The following HIVEP2 variants were observed in gnomAD, a reference collection of about 807,000 sequenced individuals.
HIVEP2 encodes transcription factor HIVEP2.
In HIVEP2, 14 loss-of-function variants were observed where a neutral mutation model predicts 180.7. That is an observed-to-expected ratio of 0.08 (90% confidence interval 0.05 to 0.12). HIVEP2 has a LOEUF of 0.12. HIVEP2 is among the 10% of genes least tolerant of loss of function. HIVEP2 has a pLI of 1.00. For missense variants in HIVEP2, 2,579 were observed against 3,008.5 expected (o/e 0.86, Z 3.34); for synonymous variants, 1,184 against 1,136.4 (o/e 1.04, Z -0.84).
At chr6:142,877,497 T>C (rs1776473052) in intron 1 of HIVEP2, among the ~76,000 whole-genome samples, 1 of 152,208 alleles carries the variant, frequency 6.6e-6, no homozygotes, top group East Asian at 1.9e-4. Flanking sequence ...ACATTTCCAT[T>C]CAACACTATT....
intron 1 of HIVEP2, among the ~76,000 whole-genome samples, chr6:142,872,727 A>G (rs1056322226): frequency 5.9e-5 from 9 of 152,220 alleles, no homozygotes; most frequent in African/African-American, 2.2e-4. Flanking sequence ...AAACCCAGAG[A>G]TATGAACTAA....
chr6:142,816,873 G>GGTGTGT (rs34958624), intron 2 of HIVEP2, among the ~76,000 whole-genome samples: 51 of 148,568 alleles, frequency 3.4e-4, no homozygotes, highest in African/African-American at 1.3e-3. Context: ...AGCACCAGAG[G>GGTGTGT]GTGTGTGTGT....
At chr6:142,823,024 G>T (rs912522005) in intron 2 of HIVEP2, among the ~76,000 whole-genome samples, 1 of 152,154 alleles carries the variant, frequency 6.6e-6, no homozygotes, top group Non-Finnish European at 1.5e-5. Context: ...ATTCCAGCAA[G>T]GGAGACTTAC....
At chr6:142,846,622 A>C (rs1338680779) in intron 1 of HIVEP2, among the ~76,000 whole-genome samples, 2 of 152,202 alleles carry the variant, frequency 1.3e-5, no homozygotes, top group Admixed American at 1.3e-4. Flanking sequence ...TTTAGGTACC[A>C]AGGACTTAAG....
chr6:142,854,375 C>T (rs530485542), intron 1 of HIVEP2, among the ~76,000 whole-genome samples: 13 of 152,260 alleles, frequency 8.5e-5, no homozygotes, highest in Admixed American at 1.3e-4. Context: ...CTAAGAAAAC[C>T]GGTAACATTG....
At chr6:142,863,502 A>G (rs1342649476) in intron 1 of HIVEP2, among the ~76,000 whole-genome samples, 1 of 152,214 alleles carries the variant, frequency 6.6e-6, no homozygotes, top group Non-Finnish European at 1.5e-5. Context: ...CTGAAGAATC[A>G]AGGCATATCT....
At chr6:142,859,661 C>G (rs1044635498) in intron 1 of HIVEP2, among the ~76,000 whole-genome samples, 5 of 151,410 alleles carry the variant, frequency 3.3e-5, no homozygotes, top group African/African-American at 4.8e-5. Context: ...TGGCGAAACA[C>G]TGTCTCTACT....
intron 9 of HIVEP2, among the ~76,000 whole-genome samples, chr6:142,758,643 A>G (rs1411650617): frequency 6.6e-6 from 1 of 151,494 alleles, no homozygotes; most frequent in African/African-American, 2.4e-5. Context: ...AAAATCCTAC[A>G]CAAACTGAAA....
intron 1 of HIVEP2, among the ~76,000 whole-genome samples, chr6:142,852,013 A>C (rs1775692669): frequency 6.6e-6 from 1 of 152,198 alleles, no homozygotes. Flanking sequence ...TTTTACCCAG[A>C]TCATTGTCCT....
chr6:142,785,447 T>C (rs1775976267), intron 2 of HIVEP2, among the ~76,000 whole-genome samples: 1 of 151,730 alleles, frequency 6.6e-6, no homozygotes, highest in Non-Finnish European at 1.5e-5. Context: ...ATACGGAACC[T>C]TAACTTGCAG....
rs770177207 is a variant in HIVEP2 at position 142,771,052 on chromosome 6, A to G, written c.3687T>C (p.His1229=). 1 of 1,614,194 alleles carries G rather than the reference A, an allele frequency of 6.2e-7. No homozygotes were observed. The highest frequency in any genetic ancestry group is 1.7e-5 in the Admixed American group (1 of 60,022). ...PAQQPPWWQA[H]FPHPFAQHPQ... is the part of the protein sequence containing the mutation. ...GGTGCTGAGCAAAGGGATGTGGGAA[A>G]TGTGCCTGCCACCAGGGAGGCTGCT... is the stretch of plus-strand genomic sequence containing the variant. The change falls in exon 5 of 10, where the codon CAT becomes CAC. Residue 1229 remains histidine, a synonymous_variant. Transcript: ENST00000367603. This position sits in a 1 kb window ranked among gnomAD's most constrained non-coding sequence, Gnocchi z 5.4.
intron 1 of HIVEP2, among the ~76,000 whole-genome samples, chr6:142,840,994 C>T (rs949730335): frequency 6.6e-6 from 1 of 151,874 alleles, no homozygotes; most frequent in East Asian, 1.9e-4. Context: ...CATAATTATT[C>T]TCTTATTTAA....
chr6:142,914,296 A>C (rs1777494896), intron 1 of HIVEP2, among the ~76,000 whole-genome samples: 1 of 152,196 alleles, frequency 6.6e-6, no homozygotes, highest in Non-Finnish European at 1.5e-5. Context: ...ATCTTTCAAA[A>C]AAAATTGGAA....
intron 3 of HIVEP2, among the ~76,000 whole-genome samples, chr6:142,776,420 T>C (rs548164696): frequency 2.6e-5 from 4 of 152,190 alleles, no homozygotes; most frequent in Non-Finnish European, 5.9e-5. Flanking sequence ...AAAAACATCA[T>C]AGTAATATTT....
chr6:142,866,653 T>C (rs1776145737), intron 1 of HIVEP2, among the ~76,000 whole-genome samples: 1 of 152,158 alleles, frequency 6.6e-6, no homozygotes, highest in African/African-American at 2.4e-5. Context: ...AAGAAATAGG[T>C]ACTTTGATGC....
chr6:142,887,589 C>A (rs996216906), intron 1 of HIVEP2, among the ~76,000 whole-genome samples: 3 of 152,072 alleles, frequency 2.0e-5, no homozygotes, highest in African/African-American at 7.2e-5. Flanking sequence ...CGATTGAATC[C>A]CATAAAAGGT....
chr6:142,836,655 T>C (rs1330474440), intron 2 of HIVEP2, among the ~76,000 whole-genome samples: 2 of 152,168 alleles, frequency 1.3e-5, no homozygotes, highest in African/African-American at 2.4e-5. Flanking sequence ...TTCAAGATTA[T>C]AATAAGCAAA....
chr6:142,906,466 C>T (rs963611502), intron 1 of HIVEP2, among the ~76,000 whole-genome samples: 5 of 144,920 alleles, frequency 3.5e-5, no homozygotes, highest in Admixed American at 3.4e-4. Flanking sequence ...ATAAAGAAAC[C>T]TCTTTAATTA....
chr6:142,824,280 A>T (rs554060842), intron 2 of HIVEP2, among the ~76,000 whole-genome samples: 1 of 152,308 alleles, frequency 6.6e-6, no homozygotes, highest in South Asian at 2.1e-4. Flanking sequence ...GTCAAGCATG[A>T]CCCATATAAA....
Sources: gnomAD v4.1 joint callset for allele counts (sites outside exome capture counted in the v4.1 genomes callset) on GRCh38, gnomAD v4.1.1 for gene constraint, Gnocchi (gnomAD v3.1) non-coding constraint, MANE v1.5 for transcripts, NCBI Gene and HGNC (gene_info 2026-07-23, HGNC 2026-07-21) for gene names.